The following SIAH3 variants were observed in gnomAD, a reference collection of about 807,000 sequenced individuals.
SIAH3 encodes siah E3 ubiquitin protein ligase family member 3.
SIAH3 carries 9 observed loss-of-function variants against 12.6 expected under a neutral mutation model. The ratio of observed to expected loss-of-function variants is 0.72; its 90% CI spans 0.43 to 1.25. The LOEUF (loss-of-function observed/expected upper bound fraction) is 1.25. SIAH3 is among the 50% of genes most tolerant of loss of function. The pLI is 0.00. For missense variants in SIAH3, 390 were observed against 365.4 expected (o/e 1.07, Z -0.55); for synonymous variants, 154 against 151.1 (o/e 1.02, Z -0.14).
chr13:45,832,267 A>C (rs1950701993), intron 1 of SIAH3, among the ~76,000 whole-genome samples: 1 of 152,232 alleles, frequency 6.6e-6, no homozygotes, highest in Non-Finnish European at 1.5e-5. Flanking sequence ...TATATTCACA[A>C]TTTGTGTGAC....
intron 1 of SIAH3, among the ~76,000 whole-genome samples, chr13:45,845,592 G>A (rs1357425180): frequency 6.6e-6 from 1 of 152,034 alleles, no homozygotes; most frequent in Non-Finnish European, 1.5e-5. Flanking sequence ...ATATCTGAGT[G>A]TTTATGCTTG....
chr13:45,804,786 C>A (rs1950593154), intron 1 of SIAH3, among the ~76,000 whole-genome samples: 1 of 151,954 alleles, frequency 6.6e-6, no homozygotes, highest in South Asian at 2.1e-4. Flanking sequence ...TATCTCCCTT[C>A]ATTGATGACA....
chr13:45,784,057 A>G lies in SIAH3; in HGVS notation c.136T>C (p.Tyr46His), dbSNP rs1469761736. 2 of 1,571,134 alleles carry G rather than the reference A, an allele frequency of 1.3e-6. No individual in the cohort carries two copies. The highest frequency in any genetic ancestry group is 4.5e-5 in the East Asian group (2 of 44,660). The stretch of plus-strand genomic sequence containing the variant: ...GTGACGGCGCGCCGACTGGACACAT[A>G]CTGTAAGGAAAGAGAAGAACGTCAG... ...CVVNPTHNLK[Y>H]VSSRRAVTQS... The change falls in exon 2 of 2, where the codon TAT becomes CAT. Residue 46 changes from tyrosine to histidine, a missense_variant and splice_region_variant. Physicochemically the swap from Tyr to His is moderately conservative, Grantham distance 83 (BLOSUM62 2). Coordinates refer to ENST00000400405, the MANE Select transcript of SIAH3 (RefSeq NM_198849.3).
chr13:45,806,217 T>A (rs1426002300), intron 1 of SIAH3, among the ~76,000 whole-genome samples: 7 of 152,022 alleles, frequency 4.6e-5, no homozygotes, highest in African/African-American at 9.7e-5. Flanking sequence ...CATTATGGAG[T>A]ATATATGCAA....
intron 1 of SIAH3, among the ~76,000 whole-genome samples, chr13:45,821,518 C>A (rs1413291250): frequency 6.6e-6 from 1 of 152,212 alleles, no homozygotes; most frequent in Non-Finnish European, 1.5e-5. Flanking sequence ...GAACCTACTG[C>A]CCCATGGCCC....
At chr13:45,841,502 C>T (rs1421677690) in intron 1 of SIAH3, among the ~76,000 whole-genome samples, 1 of 152,214 alleles carries the variant, frequency 6.6e-6, no homozygotes, top group East Asian at 1.9e-4. Context: ...GGAAACAGCC[C>T]TGCAATGAGC....
intron 1 of SIAH3, among the ~76,000 whole-genome samples, chr13:45,831,154 G>A (rs1039509031): frequency 6.6e-6 from 1 of 151,650 alleles, no homozygotes; most frequent in African/African-American, 2.4e-5. Flanking sequence ...ACTCCAGCCT[G>A]GGTGACAGAG....
rs1363579255 is a variant in SIAH3, at chr13:45,783,608, C to A, written c.585G>T (p.Gln195His). 5 of 1,614,054 alleles carry A rather than the reference C, an allele frequency of 3.1e-6. 1 individual carries two copies. The highest frequency in any genetic ancestry group is 4.2e-6 in the Non-Finnish European group (5 of 1,180,026). Residue 195 changes from glutamine to histidine, a missense_variant, in exon 2 of 2, where the codon CAG becomes CAT. Gln to His is a conservative substitution (Grantham distance 24, BLOSUM62 0). Transcript: ENST00000400405. ...CCAGGCGATAGGTGAAGCAGTCGGC[C>A]TGGGTGGGGGTCCCAATCAGCATCA... ...ATMMLIGTPT[Q>H]ADCFTYRLEL...
At chr13:45,824,905 C>A (rs1017600533) in intron 1 of SIAH3, among the ~76,000 whole-genome samples, 5 of 151,570 alleles carry the variant, frequency 3.3e-5, no homozygotes, top group Non-Finnish European at 5.9e-5. Context: ...AAACAAAAAC[C>A]AAAAAACCAA....
intron 1 of SIAH3, among the ~76,000 whole-genome samples, chr13:45,845,188 T>C (rs1950754399): frequency 1.6e-5 from 1 of 64,288 alleles, no homozygotes; most frequent in African/African-American, 4.1e-5. Flanking sequence ...GTTTTATGCA[T>C]TTTTTTTTTT....
At chr13:45,837,625 G>A (rs1266273101) in intron 1 of SIAH3, among the ~76,000 whole-genome samples, 1 of 147,696 alleles carries the variant, frequency 6.8e-6, no homozygotes, top group Admixed American at 6.8e-5. Flanking sequence ...GGGAGGAAGG[G>A]AAGAAGGAAT....
At chr13:45,805,011 A>ACACACACAC (rs1555257638) in intron 1 of SIAH3, among the ~76,000 whole-genome samples, 4 of 118,652 alleles carry the variant, frequency 3.4e-5, no homozygotes, top group Non-Finnish European at 5.7e-5. Context: ...CACACACACA[A>ACACACACAC]AATACTTTGG....
chr13:45,815,079 CTTCATTTTTT>C (rs1950629648), intron 1 of SIAH3, among the ~76,000 whole-genome samples: 1 of 148,432 alleles, frequency 6.7e-6, no homozygotes, highest in African/African-American at 2.6e-5. Flanking sequence ...CCTAATAGAC[CTTCATTTTTT>C]TTTTTTTTTT....
rs1327640432 is a variant in SIAH3 at position 45,781,056 on chromosome 13, A to G, written c.*2327T>C. On this transcript the variant is annotated 3_prime_UTR_variant, in exon 2 of 2. Coordinates refer to ENST00000400405, the MANE Select transcript of SIAH3 (RefSeq NM_198849.3). Reference sequence around the variant, plus strand: ...AATACATTTCCCATGCTTTGTCCTAAAGCTTTCTAGGAACAAAAATATAAG... The same window carrying G: ...AATACATTTCCCATGCTTTGTCCTAGAGCTTTCTAGGAACAAAAATATAAG... The G allele has an allele frequency of 6.6e-6, 1 of 152,536 alleles. No individual in the cohort carries two copies. Among genetic ancestry groups the G allele is most frequent in the Non-Finnish European group, 1.5e-5 (1 of 68,042 alleles). The allele number at this position is 152,536 out of a possible 1,614,324, so 9.4% of individuals were successfully genotyped here.
intron 1 of SIAH3, among the ~76,000 whole-genome samples, chr13:45,823,189 G>A (rs1198462789): frequency 6.6e-6 from 1 of 152,172 alleles, no homozygotes; most frequent in Non-Finnish European, 1.5e-5. Context: ...TTTCTTAACT[G>A]TAAAGGCACA....
chr13:45,845,834 G>A (rs1198980819), intron 1 of SIAH3, among the ~76,000 whole-genome samples: 1 of 152,100 alleles, frequency 6.6e-6, no homozygotes, highest in Non-Finnish European at 1.5e-5. Flanking sequence ...AGTGAGGAAG[G>A]ATGATGACTT....
chr13:45,813,601 T>C (rs1384467873), intron 1 of SIAH3, among the ~76,000 whole-genome samples: 1 of 152,230 alleles, frequency 6.6e-6, no homozygotes, highest in East Asian at 1.9e-4. Context: ...GTTTCTGCCA[T>C]TTAAAAGTAA....
At chr13:45,842,270 A>G (rs1257794889) in intron 1 of SIAH3, among the ~76,000 whole-genome samples, 1 of 152,198 alleles carries the variant, frequency 6.6e-6, no homozygotes, top group African/African-American at 2.4e-5. Context: ...GGACTCACCT[A>G]CTAGTAATGA....
At position 45,784,038 on chromosome 13, in the gene SIAH3, G is replaced by A; in HGVS notation, c.155C>T (p.Ala52Val). The A allele has an allele frequency of 6.3e-7, 1 of 1,592,722 alleles. No homozygotes were observed. The highest frequency in any genetic ancestry group is 8.5e-7 in the Non-Finnish European group (1 of 1,169,592). Residue 52 changes from alanine (A) to valine (V), a missense_variant, in exon 2 of 2, where the codon GCC (alanine) becomes GTC (valine). Ala to Val is a moderately conservative substitution (Grantham distance 64, BLOSUM62 0). Coordinates refer to ENST00000400405, the MANE Select transcript of SIAH3 (RefSeq NM_198849.3). ...HNLKYVSSRR[A>V]VTQSAPEQGS... ...TTGCTCTGGAGCGCTCTGAGTGACG[G>A]CGCGCCGACTGGACACATACTGTAA...
Sources: gnomAD v4.1 joint callset for allele counts (sites outside exome capture counted in the v4.1 genomes callset) on GRCh38, gnomAD v4.1.1 for gene constraint, MANE v1.5 for transcripts, NCBI Gene and HGNC (gene_info 2026-07-23, HGNC 2026-07-21) for gene names.